Variants in PACS1 observed in about 807,000 individuals in gnomAD.
PACS1 encodes phosphofurin acidic cluster sorting protein 1, also known as PACS-1.
Under a neutral mutation model 115.0 loss-of-function variants are expected in PACS1, and 24 were observed. That is an observed-to-expected ratio of 0.21 (90% CI 0.15 to 0.29). PACS1 has a LOEUF of 0.29. PACS1 is among the 10% of genes least tolerant of loss of function. The pLI, the probability that PACS1 is intolerant of heterozygous loss-of-function variation, is 1.00. For synonymous variants in PACS1, 453 were observed against 504.5 expected (o/e 0.90, Z 1.37); for missense variants, 838 against 1,251.2 (o/e 0.67, Z 4.98).
At chr11:66,213,113 G>A (rs1196849171) in intron 4 of PACS1, among the ~76,000 whole-genome samples, 2 of 152,100 alleles carry the variant, frequency 1.3e-5, no homozygotes, top group Non-Finnish European at 2.9e-5. Context: ...TGGCCTCCCA[G>A]AGTGCTGGGA....
chr11:66,137,084 C>T (rs1858863899), intron 1 of PACS1, among the ~76,000 whole-genome samples: 1 of 146,044 alleles, frequency 6.8e-6, no homozygotes, highest in East Asian at 2.2e-4. Flanking sequence ...GTTTGCCGTG[C>T]AGAAGTTTTT....
At chr11:66,112,565 C>T (rs1449967154) in intron 1 of PACS1, among the ~76,000 whole-genome samples, 1 of 152,136 alleles carries the variant, frequency 6.6e-6, no homozygotes, top group Non-Finnish European at 1.5e-5. Flanking sequence ...GTGTGTTTTA[C>T]AGGAGAGGGG....
chr11:66,176,110 T>G (rs943452024), intron 1 of PACS1, among the ~76,000 whole-genome samples: 7 of 152,200 alleles, frequency 4.6e-5, no homozygotes, highest in Non-Finnish European at 7.3e-5. Flanking sequence ...TTAGATATAG[T>G]GGATACATGT....
At chr11:66,135,682 A>G (rs1478497169) in intron 1 of PACS1, among the ~76,000 whole-genome samples, 1 of 143,568 alleles carries the variant, frequency 7.0e-6, no homozygotes, top group Non-Finnish European at 1.5e-5. Flanking sequence ...TTTGAGACAG[A>G]GCCTTGCTCT....
At position 66,236,088 on chromosome 11, in the gene PACS1, G is replaced by A; in HGVS notation, c.2250+148G>A. The stretch of plus-strand genomic sequence containing the variant: ...TCCAGGGACTACCTGGCAGTGTCTG[G>A]AGACGTGTTTGGTTGTTATACGGGG... On this transcript the variant is annotated intron_variant, in intron 19 of 23. Transcript: ENST00000320580. The surrounding 1 kb of genome is among the most constrained non-coding windows in gnomAD (Gnocchi z 4.2). 1 of 782,988 alleles carries A rather than the reference G, an allele frequency of 1.3e-6. No individual in the cohort carries two copies. Among genetic ancestry groups the A allele is most frequent in the Non-Finnish European group, 2.3e-6 (1 of 439,952 alleles). 48.5% of individuals were successfully genotyped at this position (782,988 alleles called of 1,614,324 possible).
chr11:66,074,614 C>T (rs1442726846), intron 1 of PACS1, among the ~76,000 whole-genome samples: 1 of 152,134 alleles, frequency 6.6e-6, no homozygotes, highest in Non-Finnish European at 1.5e-5. Flanking sequence ...TATCCAAAGC[C>T]CATTTGCATA....
chr11:66,100,829 G>C (rs774645118), intron 1 of PACS1: 21 of 456,144 alleles, frequency 4.6e-5, no homozygotes, highest in South Asian at 2.3e-4. Flanking sequence ...ACTGTGGCTG[G>C]AACACCTGTT....
intron 1 of PACS1, among the ~76,000 whole-genome samples, chr11:66,143,774 G>A (rs1248044230): frequency 6.6e-6 from 1 of 152,008 alleles, no homozygotes; most frequent in Non-Finnish European, 1.5e-5. Context: ...CAAGAACCTG[G>A]GTTTACAGGC....
intron 1 of PACS1, among the ~76,000 whole-genome samples, chr11:66,112,972 T>G (rs1858221419): frequency 6.6e-6 from 1 of 152,216 alleles, no homozygotes; most frequent in African/African-American, 2.4e-5. Flanking sequence ...TACTTAGGAT[T>G]CCATTGATAT....
intron 1 of PACS1, among the ~76,000 whole-genome samples, chr11:66,133,454 A>G (rs370870518): frequency 8.5e-5 from 13 of 152,322 alleles, no homozygotes; most frequent in African/African-American, 3.1e-4. Context: ...ACCTCGATGC[A>G]GGTCACTGGA....
intron 1 of PACS1, among the ~76,000 whole-genome samples, chr11:66,087,974 C>T (rs529139409): frequency 6.6e-5 from 10 of 152,104 alleles, no homozygotes; most frequent in African/African-American, 2.2e-4. Flanking sequence ...CTTTAATTTG[C>T]ATTTCCCCAA....
chr11:66,174,266 C>A (rs1231993735), intron 1 of PACS1, among the ~76,000 whole-genome samples: 1 of 152,052 alleles, frequency 6.6e-6, no homozygotes, highest in Non-Finnish European at 1.5e-5. Flanking sequence ...GAAAAGCAGA[C>A]AATAATAAAT....
At chr11:66,085,404 C>T (rs1857548982) in intron 1 of PACS1, among the ~76,000 whole-genome samples, 1 of 152,162 alleles carries the variant, frequency 6.6e-6, no homozygotes. Context: ...TTTATAAAGG[C>T]AAAGGACTCA....
At chr11:66,220,833 C>A in intron 9 of PACS1, 42 bp downstream of exon 9, 3 of 1,598,858 alleles carry the variant, frequency 1.9e-6, no homozygotes, top group Non-Finnish European at 2.6e-6. Flanking sequence ...ACTCTCCTTC[C>A]TGGCCATAGC....
intron 3 of PACS1, 27 bp downstream of exon 3, chr11:66,210,478 T>C (rs776484016): frequency 1.4e-6 from 2 of 1,456,256 alleles, no homozygotes; most frequent in Non-Finnish European, 1.9e-6. Context: ...CTTAGGCCCC[T>C]AACATGCTAT....
intron 1 of PACS1, among the ~76,000 whole-genome samples, chr11:66,141,890 C>T (rs1303296722): frequency 6.6e-6 from 1 of 152,114 alleles, no homozygotes; most frequent in Admixed American, 6.5e-5. Flanking sequence ...ACGGCAGCCT[C>T]TGTCTCCCGG....
intron 20 of PACS1, 103 bp from the exon 21 acceptor site, chr11:66,239,039 A>C: frequency 6.5e-7 from 1 of 1,548,968 alleles, no homozygotes; most frequent in South Asian, 1.1e-5. Context: ...GGGCCAAAGG[A>C]GGAAAGCAGG....
intron 1 of PACS1, among the ~76,000 whole-genome samples, chr11:66,119,801 TG>T (rs1217048203): frequency 6.6e-6 from 1 of 152,218 alleles, no homozygotes; most frequent in Non-Finnish European, 1.5e-5. Context: ...CCACTCCTGG[TG>T]TGCTGTTAGC....
At chr11:66,161,523 T>C (rs1277474365) in intron 1 of PACS1, among the ~76,000 whole-genome samples, 1 of 152,098 alleles carries the variant, frequency 6.6e-6, no homozygotes, top group Non-Finnish European at 1.5e-5. Context: ...GAAACTGAAG[T>C]AGAGCGGATG....
Sources: allele counts gnomAD v4.1 joint callset (sites outside exome capture counted in the v4.1 genomes callset), GRCh38; gene constraint gnomAD v4.1.1; non-coding constraint Gnocchi (gnomAD v3.1); transcripts MANE v1.5; gene names NCBI Gene and HGNC (gene_info 2026-07-23, HGNC 2026-07-21).